HSPBAP1: variants seen among roughly 807,000 people sequenced by gnomAD.
HSPBAP1 encodes the protein HSPB1 associated protein 1, also known as HSPB1-associated protein 1.
In HSPBAP1, 27 loss-of-function variants were observed where a neutral mutation model predicts 45.2. That is an observed-to-expected ratio of 0.60 (90% confidence interval 0.44 to 0.82). The LOEUF (loss-of-function observed/expected upper bound fraction) is 0.82. Ranked by LOEUF, HSPBAP1 falls within the 40% of genes least tolerant of loss-of-function variation. The pLI is 0.00. For missense variants in HSPBAP1, 510 were observed against 590.9 expected (o/e 0.86, Z 1.42); for synonymous variants, 204 against 202.7 (o/e 1.01, Z -0.06).
intron 6 of HSPBAP1, among the ~76,000 whole-genome samples, chr3:122,746,935 G>A (rs566166703): frequency 2.0e-5 from 3 of 151,896 alleles, no homozygotes; most frequent in Non-Finnish European, 2.9e-5. Context: ...GATTGCAGAC[G>A]GAGTCTCGTT....
At chr3:122,742,727 C>G (rs1933711072) in intron 6 of HSPBAP1, among the ~76,000 whole-genome samples, 1 of 152,160 alleles carries the variant, frequency 6.6e-6, no homozygotes, top group Admixed American at 6.5e-5. Context: ...AGAGCAAAAA[C>G]TGAGATGTCT....
intron 3 of HSPBAP1, among the ~76,000 whole-genome samples, chr3:122,762,718 T>C (rs1336565735): frequency 6.6e-6 from 1 of 152,218 alleles, no homozygotes; most frequent in Non-Finnish European, 1.5e-5. Context: ...TTTAATTCTG[T>C]TGTGGTGAGA....
chr3:122,793,540 C>T (rs1935903367), intron 1 of HSPBAP1, 77 bp downstream of exon 1: 3 of 1,318,376 alleles, frequency 2.3e-6, no homozygotes, highest in Admixed American at 1.7e-5. Context: ...CTAAGGCAAA[C>T]GGCCCCACGA....
At chr3:122,753,462 G>GT (rs1934233163) in intron 5 of HSPBAP1, 2 of 981,430 alleles carry the variant, frequency 2.0e-6, no homozygotes, top group Non-Finnish European at 2.4e-6. Flanking sequence ...TAAAATAGTG[G>GT]TATCGAGAGA....
chr3:122,784,955 G>A (rs1299829956), intron 1 of HSPBAP1, among the ~76,000 whole-genome samples: 2 of 152,134 alleles, frequency 1.3e-5, no homozygotes, highest in Admixed American at 6.5e-5. Flanking sequence ...AGGCAGAGAC[G>A]GTAATTCATT....
chr3:122,761,028 A>G (rs997102953), intron 3 of HSPBAP1, among the ~76,000 whole-genome samples: 13 of 152,204 alleles, frequency 8.5e-5, no homozygotes, highest in African/African-American at 3.1e-4. Context: ...TATGCAGGGA[A>G]TGCTTTAAGA....
chr3:122,740,547 C>T lies in HSPBAP1; in HGVS notation c.1265G>A (p.Gly422Glu). Residue 422 changes from glycine to glutamate, a missense_variant, in exon 8 of 8, where the codon GGA (glycine) becomes GAA (glutamate). By Grantham distance (98) the Gly-to-Glu change is moderately conservative (BLOSUM62 -2). Coordinates refer to ENST00000306103, the MANE Select transcript of HSPBAP1 (RefSeq NM_024610.6). ...ACAATGCAATTTTCCAAAGTGTTCT[C>T]CATCCTTGTCCACAAAGTCTTTCCC... ...SDGKDFVDKD[G>E]EHFGKLHCAK... is the part of the protein sequence containing the mutation. 1.2e-6 allele frequency: 2 copies of T among 1,614,204 alleles called. No individual in the cohort carries two copies. The highest frequency in any genetic ancestry group is 1.7e-6 in the Non-Finnish European group (2 of 1,180,026).
Position 122,778,590 on chromosome 3 carries a change from T to C in HSPBAP1, c.65-684A>G, listed in dbSNP as rs201458322. Among the ~76,000 whole-genome samples, 5 of 151,530 alleles carry C rather than the reference T, an allele frequency of 3.3e-5. No individual in the cohort carries two copies. The East Asian group carries it at 7.8e-4, about 24-fold the overall frequency. ...AGGCTAGAGTGCTGGAGTGCAGTGA[T>C]GCGATCTCGGCTCACTGCAAGCTCC... is the stretch of plus-strand genomic sequence containing the variant. On this transcript the variant is annotated intron_variant, in intron 1 of 7. Transcript: ENST00000306103.
Position 122,748,000 on chromosome 3 carries a change from A to G in HSPBAP1, c.825+4591T>C, listed in dbSNP as rs1427514706. ...TGGTTGCCGTGTCTGTGTAGAAAGA[A>G]GTAGACATGGGAAACTTTTCATTTT... On this transcript the variant is annotated intron_variant, in intron 6 of 7. Coordinates refer to ENST00000306103, the MANE Select transcript of HSPBAP1 (RefSeq NM_024610.6). 3.9e-5 allele frequency among the ~76,000 whole-genome samples: 6 copies of G among 152,310 alleles called. No individual in the cohort carries two copies. The South Asian group carries it at 6.2e-4, about 16-fold the overall frequency.
At chr3:122,777,122 T>A (rs965821690) in intron 2 of HSPBAP1, among the ~76,000 whole-genome samples, 1 of 152,238 alleles carries the variant, frequency 6.6e-6, no homozygotes, top group East Asian at 1.9e-4. Context: ...GGCAAACAAA[T>A]CAAAATGTTA....
chr3:122,759,519 G>T (rs1352114121), intron 3 of HSPBAP1, among the ~76,000 whole-genome samples, 159 bp from the exon 4 acceptor site: 5 of 152,188 alleles, frequency 3.3e-5, no homozygotes, highest in Admixed American at 3.3e-4. Context: ...GGCAGTTCAA[G>T]AAATCTTTTT....
intron 1 of HSPBAP1, among the ~76,000 whole-genome samples, chr3:122,789,577 T>C (rs1935759325): frequency 1.3e-5 from 2 of 152,266 alleles, no homozygotes; most frequent in East Asian, 3.8e-4. Flanking sequence ...CTCTTACTTT[T>C]ATCTCCCTAG....
At chr3:122,769,744 A>T (rs940030864) in intron 2 of HSPBAP1, among the ~76,000 whole-genome samples, 1 of 152,310 alleles carries the variant, frequency 6.6e-6, no homozygotes, top group Admixed American at 6.5e-5. Flanking sequence ...CAGTGGTGCA[A>T]TCTCGGCTCA....
At chr3:122,747,331 G>A (rs1426974925) in intron 6 of HSPBAP1, among the ~76,000 whole-genome samples, 6 of 149,176 alleles carry the variant, frequency 4.0e-5, no homozygotes, top group African/African-American at 1.5e-4. Flanking sequence ...AGTGAGGAGC[G>A]TCTCTGCCCG....
At chr3:122,747,225 T>C (rs1235200876) in intron 6 of HSPBAP1, among the ~76,000 whole-genome samples, 2 of 147,704 alleles carry the variant, frequency 1.4e-5, no homozygotes, top group African/African-American at 5.1e-5. Flanking sequence ...TCTTCCCGGC[T>C]GCCATCCCAT....
intron 3 of HSPBAP1, among the ~76,000 whole-genome samples, chr3:122,766,136 C>T (rs1380026740): frequency 6.6e-6 from 1 of 152,140 alleles, no homozygotes; most frequent in East Asian, 1.9e-4. Context: ...CAATCTATCC[C>T]TCTAATGACA....
intron 1 of HSPBAP1, among the ~76,000 whole-genome samples, chr3:122,790,043 C>T (rs565464564): frequency 2.0e-5 from 3 of 151,972 alleles, no homozygotes; most frequent in East Asian, 1.9e-4. Context: ...TCGTATTTTC[C>T]GTAGAGACAG....
intron 2 of HSPBAP1, among the ~76,000 whole-genome samples, chr3:122,769,124 T>C (rs1934891957): frequency 6.6e-6 from 1 of 151,710 alleles, no homozygotes; most frequent in South Asian, 2.1e-4. Flanking sequence ...AAACCCCATC[T>C]CCAAAAAAAA....
chr3:122,740,625 G>GCTA lies in HSPBAP1; in HGVS notation c.1184_1186dup (p.Val395dup), dbSNP rs760659744. ...TGAAGGCGGTTCTTCGGACCTCTGTGCTACAGGGACCAGATCAGGGCCAAA... is the reference window on the plus strand; with the variant it reads ...TGAAGGCGGTTCTTCGGACCTCTGTGCTACTACAGGGACCAGATCAGGGCCAAA... On this transcript the variant is annotated inframe_insertion, in exon 8 of 8. Coordinates refer to ENST00000306103, the MANE Select transcript of HSPBAP1 (RefSeq NM_024610.6). 1 of 1,614,106 alleles carries GCTA rather than the reference G, an allele frequency of 6.2e-7. No individual in the cohort carries two copies. Among genetic ancestry groups the GCTA allele is most frequent in the South Asian group, 1.1e-5 (1 of 91,080 alleles).
Sources: gnomAD v4.1 joint callset for allele counts (sites outside exome capture counted in the v4.1 genomes callset) on GRCh38, gnomAD v4.1.1 for gene constraint, MANE v1.5 for transcripts, NCBI Gene and HGNC (gene_info 2026-07-23, HGNC 2026-07-21) for gene names.